Variants in LINGO2 observed in about 807,000 individuals in gnomAD.
LINGO2 encodes the protein leucine rich repeat and Ig domain containing 2.
In LINGO2, 14 loss-of-function variants were observed where a neutral mutation model predicts 30.6. The ratio of observed to expected loss-of-function variants is 0.46; its 90% confidence interval spans 0.30 to 0.72. The LOEUF (loss-of-function observed/expected upper bound fraction) is 0.72, where lower values mean the gene tolerates loss of function less well. Ranked by LOEUF, LINGO2 falls within the 30% of genes least tolerant of loss-of-function variation. The pLI is 0.07. For missense variants in LINGO2, 729 were observed against 751.7 expected, an observed-to-expected ratio of 0.97 and a Z score of 0.35; for synonymous variants, 317 against 288.5, an observed-to-expected ratio of 1.10 and a Z score of -1.00.
At chr9:27,952,184 A>C (rs1819346656) in intron 5 of LINGO2, among the ~76,000 whole-genome samples, 1 of 152,076 alleles carries the variant, frequency 6.6e-6, no homozygotes, top group Non-Finnish European at 1.5e-5. Flanking sequence ...AATTTAAAAA[A>C]AATTTTCTTG....
At chr9:27,985,197 C>T (rs544623518) in intron 5 of LINGO2, among the ~76,000 whole-genome samples, 52 of 152,002 alleles carry the variant, frequency 3.4e-4, no homozygotes, top group African/African-American at 1.2e-3. Context: ...TGTCATAACA[C>T]ATCAACCATG....
At chr9:29,181,404 TA>T in the LINGO2 span, among the ~76,000 whole-genome samples, 2 of 152,262 alleles carry the variant, frequency 1.3e-5, no homozygotes, top group African/African-American at 4.8e-5. Flanking sequence ...ATCAAAGTAT[TA>T]AAACTACTTA....
chr9:28,335,073 A>G (rs1220748083), intron 3 of LINGO2, among the ~76,000 whole-genome samples: 1 of 152,114 alleles, frequency 6.6e-6, no homozygotes, highest in African/African-American at 2.4e-5. Flanking sequence ...ATTCACTACA[A>G]TTATAATTAT....
the LINGO2 span, among the ~76,000 whole-genome samples, chr9:29,100,884 T>A: frequency 6.6e-6 from 1 of 151,716 alleles, no homozygotes; most frequent in Non-Finnish European, 1.5e-5. Context: ...CTCACAAAAA[T>A]TAAAAATTAA....
the LINGO2 span, among the ~76,000 whole-genome samples, chr9:28,756,323 A>G: frequency 7.2e-5 from 11 of 152,042 alleles, no homozygotes; most frequent in African/African-American, 2.7e-4. Flanking sequence ...GAGCTGGAAC[A>G]TTAACCCAAT....
intron 2 of LINGO2, among the ~76,000 whole-genome samples, chr9:28,405,419 C>T (rs1045821565): frequency 1.7e-4 from 26 of 152,062 alleles, no homozygotes; most frequent in African/African-American, 6.0e-4. Context: ...AGTCTGGGCC[C>T]ATCGCCTCTA....
intron 4 of LINGO2, among the ~76,000 whole-genome samples, chr9:28,219,733 A>G (rs1329702644): frequency 6.6e-6 from 1 of 152,210 alleles, no homozygotes; most frequent in Non-Finnish European, 1.5e-5. Flanking sequence ...GCATTTACAA[A>G]GTATGTTCTA....
At chr9:28,261,568 C>G (rs1822564431) in intron 4 of LINGO2, among the ~76,000 whole-genome samples, 1 of 151,738 alleles carries the variant, frequency 6.6e-6, no homozygotes, top group African/African-American at 2.4e-5. Context: ...TAATAAGATA[C>G]CTTTAGATTT....
intron 4 of LINGO2, among the ~76,000 whole-genome samples, chr9:28,057,156 G>A (rs1033610930): frequency 6.6e-6 from 1 of 152,054 alleles, no homozygotes; most frequent in Non-Finnish European, 1.5e-5. Flanking sequence ...AACCCAAGAT[G>A]TCTATGCCTG....
At chr9:28,191,163 G>A (rs375225601) in intron 4 of LINGO2, among the ~76,000 whole-genome samples, 41 of 152,262 alleles carry the variant, frequency 2.7e-4, no homozygotes, top group African/African-American at 9.9e-4. Flanking sequence ...GGTTAAATTG[G>A]CTCTAGGCAG....
chr9:29,007,139 A>T, the LINGO2 span, among the ~76,000 whole-genome samples: 2 of 152,098 alleles, frequency 1.3e-5, no homozygotes, highest in African/African-American at 4.8e-5. Context: ...AAAATACTTT[A>T]TCAAAGGTAA....
the LINGO2 span, among the ~76,000 whole-genome samples, chr9:29,006,378 A>G: frequency 1.3e-5 from 2 of 151,938 alleles, no homozygotes; most frequent in Non-Finnish European, 2.9e-5. Context: ...TTCAAACTAA[A>G]GAGAGACTCA....
At chr9:28,982,609 T>C in the LINGO2 span, among the ~76,000 whole-genome samples, 1 of 151,932 alleles carries the variant, frequency 6.6e-6, no homozygotes, top group Non-Finnish European at 1.5e-5. Context: ...AAACAAAGAT[T>C]TGGTAGCTAT....
the LINGO2 span, among the ~76,000 whole-genome samples, chr9:28,947,405 T>A: frequency 6.6e-6 from 1 of 152,052 alleles, no homozygotes; most frequent in East Asian, 1.9e-4. Context: ...AGGTTTTAAT[T>A]TCTCTGAACT....
intron 4 of LINGO2, among the ~76,000 whole-genome samples, chr9:28,107,259 T>C (rs1406152549): frequency 6.6e-6 from 1 of 152,220 alleles, no homozygotes; most frequent in African/African-American, 2.4e-5. Context: ...AAATCATATT[T>C]GTTTTGGTCA....
chr9:28,937,207 T>C, the LINGO2 span, among the ~76,000 whole-genome samples: 1 of 152,072 alleles, frequency 6.6e-6, no homozygotes, highest in Non-Finnish European at 1.5e-5. Context: ...ATCTCAATAG[T>C]CTTAAAAGCC....
At chr9:29,126,524 T>C in the LINGO2 span, among the ~76,000 whole-genome samples, 1 of 152,136 alleles carries the variant, frequency 6.6e-6, no homozygotes, top group African/African-American at 2.4e-5. Flanking sequence ...AATATGTACA[T>C]GCAAATACAT....
the LINGO2 span, among the ~76,000 whole-genome samples, chr9:28,837,474 C>T: frequency 2.0e-5 from 3 of 150,718 alleles, no homozygotes; most frequent in African/African-American, 4.9e-5. Context: ...GGAGAAACCC[C>T]ATCTCTCCTA....
intron 4 of LINGO2, among the ~76,000 whole-genome samples, chr9:28,040,652 A>G (rs1824160007): frequency 6.6e-6 from 1 of 152,164 alleles, no homozygotes; most frequent in African/African-American, 2.4e-5. Flanking sequence ...TTGAGTGTCT[A>G]CTACCTAATA....
Sources: allele counts gnomAD v4.1 joint callset (sites outside exome capture counted in the v4.1 genomes callset), GRCh38; gene constraint gnomAD v4.1.1; transcripts MANE v1.5; gene names NCBI Gene and HGNC (gene_info 2026-07-23, HGNC 2026-07-21).